Variants in MARCHF4 observed in about 807,000 individuals in gnomAD.
MARCHF4 encodes the protein E3 ubiquitin-protein ligase MARCHF4.
In MARCHF4, 14 loss-of-function variants were observed where a neutral mutation model predicts 43.9. The ratio of observed to expected loss-of-function variants is 0.32; its 90% CI spans 0.21 to 0.50. The LOEUF (loss-of-function observed/expected upper bound fraction) is 0.50, where lower values mean the gene tolerates loss of function less well. Ranked by LOEUF, MARCHF4 falls within the 20% of genes least tolerant of loss-of-function variation. MARCHF4 has a pLI of 0.98. For missense variants in MARCHF4, 468 were observed against 536.7 expected, an observed-to-expected ratio of 0.87 and a Z score of 1.27; for synonymous variants, 226 against 213.3, an observed-to-expected ratio of 1.06 and a Z score of -0.52.
intron 1 of MARCHF4, among the ~76,000 whole-genome samples, chr2:216,344,824 A>G (rs1287619203): frequency 1.3e-5 from 2 of 151,950 alleles, no homozygotes; most frequent in Non-Finnish European, 2.9e-5. Flanking sequence ...GTGGTAATGG[A>G]TGGAGCCAAG....
In MARCHF4 at chr2:216,259,145, C is replaced by G; in HGVS notation, c.*167G>C. 1 of 910,256 alleles carries G rather than the reference C, an allele frequency of 1.1e-6. No individual in the cohort carries two copies. The highest frequency in any genetic ancestry group is 1.6e-6 in the Non-Finnish European group (1 of 623,272). 56.4% of individuals were successfully genotyped at this position (910,256 alleles called of 1,614,324 possible). A position where few individuals can be genotyped will look rare whatever the true frequency, so the allele number is the denominator to read the frequency against. On this transcript the variant is annotated 3_prime_UTR_variant, in exon 4 of 4. Coordinates refer to ENST00000273067, the MANE Select transcript of MARCHF4 (RefSeq NM_020814.3). Reference sequence around the variant, plus strand: ...CATTGACTGATTGGAAATAGCAGAACTGCTCCTGCACCAGCCTCACTCCCG... The same window carrying G: ...CATTGACTGATTGGAAATAGCAGAAGTGCTCCTGCACCAGCCTCACTCCCG...
intron 1 of MARCHF4, among the ~76,000 whole-genome samples, chr2:216,314,261 C>T (rs532020411): frequency 3.6e-4 from 55 of 151,948 alleles, no homozygotes; most frequent in Non-Finnish European, 6.5e-4. Context: ...GGTTTCTGCC[C>T]TCCATAGAGT....
At chr2:216,266,821 G>C (rs1690852861) in intron 3 of MARCHF4, among the ~76,000 whole-genome samples, 1 of 152,168 alleles carries the variant, frequency 6.6e-6, no homozygotes, top group African/African-American at 2.4e-5. Context: ...GCTGGGAAAG[G>C]CCAGGTTGAC....
intron 3 of MARCHF4, among the ~76,000 whole-genome samples, chr2:216,263,309 C>T (rs1241242684): frequency 6.6e-6 from 1 of 152,048 alleles, no homozygotes; most frequent in East Asian, 1.9e-4. Context: ...CGCCTGTAAT[C>T]CCAACTATTC....
At chr2:216,259,739 G>C (rs1050118502) in intron 3 of MARCHF4, 60 bp from the exon 4 acceptor site, 158 of 1,518,630 alleles carry the variant, frequency 1.0e-4, no homozygotes, top group Non-Finnish European at 1.3e-4. Context: ...TCACGGCCAG[G>C]AGACCACAGT....
intron 3 of MARCHF4, among the ~76,000 whole-genome samples, chr2:216,268,218 C>A (rs745512318): frequency 1.3e-5 from 2 of 152,158 alleles, no homozygotes; most frequent in Non-Finnish European, 2.9e-5. Flanking sequence ...CTGGAAGGAA[C>A]CTGGAGGTTG....
At chr2:216,273,133 T>C (rs2105935613) in intron 3 of MARCHF4, among the ~76,000 whole-genome samples, 1 of 152,322 alleles carries the variant, frequency 6.6e-6, no homozygotes, top group African/African-American at 2.4e-5. Flanking sequence ...TGCAGTTGGC[T>C]TTCGTGAAGC....
chr2:216,354,939 CTT>C (rs1387745673), intron 1 of MARCHF4, among the ~76,000 whole-genome samples: 1 of 137,888 alleles, frequency 7.3e-6, no homozygotes, highest in African/African-American at 2.8e-5. Flanking sequence ...TTCTTTCTTT[CTT>C]TCTTTCTTTC....
rs1692745915 is a variant in MARCHF4 at position 216,370,694 on chromosome 2, G to C, written c.-434C>G. Reference sequence around the variant, plus strand: ...TATTGGGTTCTTCTCAAATTCCTACGCAGTGAGAAATCTTTCTTTTATATA... The same window carrying C: ...TATTGGGTTCTTCTCAAATTCCTACCCAGTGAGAAATCTTTCTTTTATATA... On this transcript the variant is annotated 5_prime_UTR_variant, in exon 1 of 4. Coordinates refer to ENST00000273067, the MANE Select transcript of MARCHF4 (RefSeq NM_020814.3). The C allele has an allele frequency of 6.3e-6, 1 of 157,682 alleles. No individual in the cohort carries two copies. The highest frequency in any genetic ancestry group is 1.4e-5 in the Non-Finnish European group (1 of 72,054). 9.8% of individuals were successfully genotyped at this position (157,682 alleles called of 1,614,324 possible).
intron 1 of MARCHF4, among the ~76,000 whole-genome samples, chr2:216,343,819 G>C (rs1692269837): frequency 6.6e-6 from 1 of 152,200 alleles, no homozygotes; most frequent in Admixed American, 6.5e-5. Context: ...GATTGTAACT[G>C]AAGTCGGGGG....
At chr2:216,339,762 A>G (rs538041228) in intron 1 of MARCHF4, among the ~76,000 whole-genome samples, 6 of 151,946 alleles carry the variant, frequency 3.9e-5, no homozygotes, top group Non-Finnish European at 8.8e-5. Flanking sequence ...TTTGGGTTTT[A>G]TTGGGGCCTC....
At chr2:216,359,769 G>C (rs557113657) in intron 1 of MARCHF4, among the ~76,000 whole-genome samples, 3 of 152,188 alleles carry the variant, frequency 2.0e-5, no homozygotes, top group Non-Finnish European at 4.4e-5. Context: ...CTCTAAAAAC[G>C]AAGTAGTACC....
intron 1 of MARCHF4, among the ~76,000 whole-genome samples, chr2:216,294,998 G>A (rs960404351): frequency 6.6e-6 from 1 of 152,206 alleles, no homozygotes; most frequent in Non-Finnish European, 1.5e-5. Flanking sequence ...CGCTTTGCCA[G>A]TGCTTCTGCT....
In MARCHF4 at chr2:216,347,740, A is replaced by G. The variant is rs115506533; in HGVS notation, c.516+22005T>C. ...AGACTCCGTCTCAAAAAAAAAGGGGAAAAAAAAGAAAAAAGAAAAATGCCC... is the reference window on the plus strand; with the variant it reads ...AGACTCCGTCTCAAAAAAAAAGGGGGAAAAAAAGAAAAAAGAAAAATGCCC... On this transcript the variant is annotated intron_variant, in intron 1 of 3. Coordinates refer to ENST00000273067, the MANE Select transcript of MARCHF4 (RefSeq NM_020814.3). Among the ~76,000 whole-genome samples, 774 of 151,682 alleles carry G rather than the reference A, an allele frequency of 5.1e-3. 9 individuals carry two copies. Among genetic ancestry groups the G allele is most frequent in the African/African-American group, 0.018 (725 of 41,344 alleles).
At chr2:216,328,949 A>G (rs982152629) in intron 1 of MARCHF4, among the ~76,000 whole-genome samples, 1 of 152,182 alleles carries the variant, frequency 6.6e-6, no homozygotes, top group African/African-American at 2.4e-5. Flanking sequence ...GAGGCACAAG[A>G]ATCACTTGAA....
intron 2 of MARCHF4, among the ~76,000 whole-genome samples, chr2:216,280,165 G>A (rs1413894437): frequency 6.6e-6 from 1 of 152,020 alleles, no homozygotes; most frequent in Non-Finnish European, 1.5e-5. Context: ...AGAGATGAGG[G>A]AGAAAGCAGA....
At chr2:216,281,122 G>A (rs1574462509) in intron 2 of MARCHF4, among the ~76,000 whole-genome samples, 1 of 145,900 alleles carries the variant, frequency 6.9e-6, no homozygotes, top group East Asian at 2.0e-4. Flanking sequence ...CTGGAGTGGT[G>A]CACTGGCATA....
intron 1 of MARCHF4, among the ~76,000 whole-genome samples, chr2:216,332,625 G>T (rs1255035520): frequency 6.6e-6 from 1 of 152,076 alleles, no homozygotes; most frequent in Non-Finnish European, 1.5e-5. Flanking sequence ...AAAACTAGGT[G>T]TTATAAAAGA....
intron 1 of MARCHF4, among the ~76,000 whole-genome samples, chr2:216,346,658 T>G (rs767159080): frequency 4.6e-5 from 7 of 152,110 alleles, no homozygotes; most frequent in Non-Finnish European, 8.8e-5. Context: ...AGTAAGGAGA[T>G]GAAAGCTTCT....
Sources: gnomAD v4.1 joint callset for allele counts (sites outside exome capture counted in the v4.1 genomes callset) on GRCh38, gnomAD v4.1.1 for gene constraint, MANE v1.5 for transcripts, NCBI Gene and HGNC (gene_info 2026-07-23, HGNC 2026-07-21) for gene names.